Variants in CCKBR observed in about 807,000 individuals in gnomAD.
CCKBR encodes cholecystokinin B receptor.
Under a neutral mutation model 34.6 loss-of-function variants are expected in CCKBR, and 33 were observed. That is an observed-to-expected ratio of 0.95 (90% CI 0.72 to 1.27). The LOEUF is 1.27. Among genes scored for constraint, CCKBR ranks in the 50% most tolerant of loss-of-function variants. The probability of loss-of-function intolerance (pLI) is 0.00; values close to 1 mark genes in which losing one functional copy is unlikely to be tolerated. For missense variants in CCKBR, 652 were observed against 617.4 expected (o/e 1.06, Z -0.59); for synonymous variants, 269 against 267.5 (o/e 1.01, Z -0.06).
chr11:6,259,999 C>T lies in CCKBR; in HGVS notation c.71C>T (p.Pro24Leu). Residue 24 changes from proline to leucine, a missense_variant, in exon 1 of 5, where the codon CCG becomes CTG. Transcript: ENST00000334619. The stretch of plus-strand genomic sequence containing the variant: ...GGGCCGGGGGCTTCCCTGTGCCGCC[C>T]GGGGGCGCCTCTCCTCAACAGCAGC... ...GPGPGASLCRPGAPLLNSSSV... is the reference protein window; with the variant it reads ...GPGPGASLCRLGAPLLNSSSV... The T allele has an allele frequency of 6.3e-7, 1 of 1,587,148 alleles. No individual in the cohort carries two copies. The highest frequency in any genetic ancestry group is 8.6e-7 in the Non-Finnish European group (1 of 1,168,618).
At position 6,260,087 on chromosome 11, in the gene CCKBR, C is replaced by A. The variant is rs756277016; in HGVS notation, c.151+8C>A. 2 of 1,585,070 alleles carry A rather than the reference C, an allele frequency of 1.3e-6. No individual in the cohort carries two copies. Among genetic ancestry groups the A allele is most frequent in the Admixed American group, 3.5e-5 (2 of 57,932 alleles). On this transcript the variant is annotated splice_region_variant and intron_variant, in intron 1 of 4. Coordinates refer to ENST00000334619, the MANE Select transcript of CCKBR (RefSeq NM_176875.4). ...GCGGAGCCGGGACACGAGGTGGGTG[C>A]CTCCCTCAGCCCCCCCCACAAGCTA... is the stretch of plus-strand genomic sequence containing the variant.
chr11:6,265,559 G>A (rs1314255386), intron 1 of CCKBR, among the ~76,000 whole-genome samples: 2 of 152,284 alleles, frequency 1.3e-5, no homozygotes, highest in East Asian at 3.9e-4. Flanking sequence ...GGAGGCTGGG[G>A]GTGGGAGGAC....
At position 6,270,119 on chromosome 11, in the gene CCKBR, C is replaced by T. The variant is rs79740848; in HGVS notation, c.435C>T (p.Leu145=). 10 of 1,610,718 alleles carry T rather than the reference C, an allele frequency of 6.2e-6. No homozygotes were observed. The highest frequency in any genetic ancestry group is 1.1e-5 in the South Asian group (1 of 90,894). ...CTGTGAGTGTGTCCACGCTAAGCCT[C>T]GTGGCCATCGCACTGGAGCGGTACA... is the stretch of plus-strand genomic sequence containing the variant. The part of the protein sequence containing the change: ...GVSVSVSTLS[L]VAIALERYSA... The change falls in exon 3 of 5, where the codon CTC becomes CTT. Residue 145 remains leucine (L), a synonymous_variant. Coordinates refer to ENST00000334619, the MANE Select transcript of CCKBR (RefSeq NM_176875.4).
At chr11:6,262,686 AAGAGAGAGAGAGAG>A (rs57265861) in intron 1 of CCKBR, among the ~76,000 whole-genome samples, 64 of 119,294 alleles carry the variant, frequency 5.4e-4, no homozygotes, top group Middle Eastern at 4.1e-3. Flanking sequence ...TAGGCAAAGA[AAGAGAGAGAGAGAG>A]AGAGAGAGAG....
rs1473847484 is a variant in CCKBR at position 6,271,287 on chromosome 11, C to T, written c.1088C>T (p.Ala363Val). 1 of 1,614,194 alleles carries T rather than the reference C, an allele frequency of 6.2e-7. No individual in the cohort carries two copies. Among genetic ancestry groups the T allele is most frequent in the African/African-American group, 1.3e-5 (1 of 75,054 alleles). The change falls in exon 5 of 5, where the codon GCA (alanine) becomes GTA (valine). Residue 363 changes from alanine (A) to valine (V), a missense_variant. Transcript: ENST00000334619. ...TGGCGCGCCTTTGATGGCCCGGGTG[C>T]ACACCGAGCACTCTCGGGTGCTCCT... The part of the protein sequence containing the change: ...NTWRAFDGPG[A>V]HRALSGAPIS...
intron 1 of CCKBR, among the ~76,000 whole-genome samples, chr11:6,267,408 C>T (rs1328900151): frequency 6.6e-6 from 1 of 151,866 alleles, no homozygotes; most frequent in African/African-American, 2.4e-5. Context: ...ACACATTGGG[C>T]TACACAGGGT....
chr11:6,269,960 C>A, intron 2 of CCKBR, 40 bp downstream of exon 2: 1 of 1,610,916 alleles, frequency 6.2e-7, no homozygotes, highest in Non-Finnish European at 8.5e-7. Flanking sequence ...TGCCACTCTC[C>A]CCGCCTAAAG....
Position 6,269,904 on chromosome 11 carries a change from G to C in CCKBR, c.387G>C (p.Ala129=), listed in dbSNP as rs200524431. ...TFIFGTVICK[A]VSYLMGVSVS... ...TCTTTGGCACCGTCATCTGCAAGGC[G>C]GTTTCCTACCTCATGGGTGGGTGAG... Residue 129 remains alanine, a synonymous_variant, in exon 2 of 5, where the codon GCG becomes GCC. Coordinates refer to ENST00000334619, the MANE Select transcript of CCKBR (RefSeq NM_176875.4). 2.5e-6 allele frequency: 4 copies of C among 1,613,814 alleles called. No individual in the cohort carries two copies. In the African/African-American group the frequency reaches 4.0e-5, roughly 16 times the overall value.
intron 1 of CCKBR, among the ~76,000 whole-genome samples, chr11:6,262,321 T>C (rs899812180): frequency 6.6e-6 from 1 of 151,684 alleles, no homozygotes. Flanking sequence ...AGAAAATAGG[T>C]CCTAGGTCAA....
At position 6,271,014 on chromosome 11, in the gene CCKBR, C is replaced by T. The variant is rs140350741; in HGVS notation, c.815C>T (p.Ala272Val). ...RVRNQGGLPGAVHQNGRCRPE... is the reference protein window; with the variant it reads ...RVRNQGGLPGVVHQNGRCRPE... ...ACCGCCCACCCTTTGTGCTCAGGGG[C>T]TGTTCACCAGAACGGGCGTTGCCGG... Residue 272 changes from alanine (A) to valine (V), a missense_variant, in exon 5 of 5, where the codon GCT becomes GTT. Transcript: ENST00000334619. The T allele has an allele frequency of 7.4e-6, 12 of 1,614,144 alleles. 1 individual carries two copies. The highest frequency in any genetic ancestry group is 2.7e-5 in the African/African-American group (2 of 75,060).
Position 6,271,791 on chromosome 11 carries a change from G to A in CCKBR, c.*248G>A, listed in dbSNP as rs201475409. 12 of 492,882 alleles carry A rather than the reference G, an allele frequency of 2.4e-5. No homozygotes were observed. Among genetic ancestry groups the A allele is most frequent in the Non-Finnish European group, 3.6e-5 (10 of 280,080 alleles). The allele number at this position is 492,882 out of a possible 1,614,324, so 30.5% of individuals were successfully genotyped here. A position where few individuals can be genotyped will look rare whatever the true frequency, so the allele number is the denominator to read the frequency against. ...AGAAACATGACACTGACCTTGGAGA[G>A]ACACAGCGTCCCTAGCAGTGAACTA... On this transcript the variant is annotated 3_prime_UTR_variant, in exon 5 of 5. Transcript: ENST00000334619.
intron 1 of CCKBR, among the ~76,000 whole-genome samples, chr11:6,263,861 A>G (rs2941030): frequency 0.01 from 1,579 of 152,354 alleles, 29 homozygotes; most frequent in African/African-American, 0.036. Flanking sequence ...ACTTCTGCTC[A>G]GTCAGCAATT....
At position 6,271,313 on chromosome 11, in the gene CCKBR, A is replaced by G. The variant is rs1848309084; in HGVS notation, c.1114A>G (p.Ile372Val). The G allele has an allele frequency of 2.5e-6, 4 of 1,613,432 alleles. No individual in the cohort carries two copies. Among genetic ancestry groups the G allele is most frequent in the Non-Finnish European group, 3.4e-6 (4 of 1,179,652 alleles). ...GAHRALSGAP[I>V]SFIHLLSYAS... ...ACACCGAGCACTCTCGGGTGCTCCT[A>G]TCTCCTTCATTCACTTGCTGAGCTA... Residue 372 changes from isoleucine (I) to valine (V), a missense_variant, in exon 5 of 5, where the codon ATC becomes GTC. Transcript: ENST00000334619.
In CCKBR at chr11:6,261,434, C is replaced by CAAAAAA. The variant is rs71056733; in HGVS notation, c.151+1371_151+1376dup. Among the ~76,000 whole-genome samples, 26 of 14,420 alleles carry CAAAAAA rather than the reference C, an allele frequency of 1.8e-3. 2 individuals are homozygous for CAAAAAA. Among genetic ancestry groups the CAAAAAA allele is most frequent in the African/African-American group, 4.7e-3 (20 of 4,296 alleles). The allele number at this position is 14,420 out of a possible 152,430, so 9.5% of individuals were successfully genotyped here. On this transcript the variant is annotated intron_variant, in intron 1 of 4. Coordinates refer to ENST00000334619, the MANE Select transcript of CCKBR (RefSeq NM_176875.4). ...AGGCTGGCTCTAAGCTTCCTGTTGG[C>CAAAAAA]AAAAAAAAAAAAAAAAAAAAATATA...
In CCKBR at chr11:6,271,488, T is replaced by C. The variant is rs1377861254; in HGVS notation, c.1289T>C (p.Ile430Thr). 9 of 1,611,454 alleles carry C rather than the reference T, an allele frequency of 5.6e-6. No homozygotes were observed. In the Admixed American group the frequency reaches 8.3e-5, roughly 15 times the overall value. Reference protein sequence around the residue: ...LPDEDPPTPSIASLSRLSYTT... With the variant: ...LPDEDPPTPSTASLSRLSYTT... ...GATGAGGACCCTCCCACTCCCTCCA[T>C]TGCTTCGCTGTCCAGGCTTAGCTAC... Residue 430 changes from isoleucine to threonine, a missense_variant, in exon 5 of 5, where the codon ATT (isoleucine) becomes ACT (threonine). By Grantham distance (89) the Ile-to-Thr change is moderately conservative (BLOSUM62 -1). Coordinates refer to ENST00000334619, the MANE Select transcript of CCKBR (RefSeq NM_176875.4).
intron 1 of CCKBR, among the ~76,000 whole-genome samples, chr11:6,267,894 G>A (rs182311731): frequency 5.3e-4 from 80 of 152,328 alleles, no homozygotes; most frequent in Admixed American, 1.0e-3. Flanking sequence ...GTGCAGGCTG[G>A]AGTGCAGTGG....
At chr11:6,268,670 C>T (rs1390793491) in intron 1 of CCKBR, among the ~76,000 whole-genome samples, 1 of 152,132 alleles carries the variant, frequency 6.6e-6, no homozygotes, top group Non-Finnish European at 1.5e-5. Flanking sequence ...CTCTTTGTCC[C>T]CAGTGCCTAG....
Position 6,271,359 on chromosome 11 carries a change from C to T in CCKBR, c.1160C>T (p.Pro387Leu), listed in dbSNP as rs766435444. 1.2e-6 allele frequency: 2 copies of T among 1,614,208 alleles called. No individual in the cohort carries two copies. Among genetic ancestry groups the T allele is most frequent in the Admixed American group, 3.3e-5 (2 of 60,034 alleles). ...LLSYASACVN[P>L]LVYCFMHRRF... ...AGCTACGCCTCGGCCTGTGTCAACC[C>T]CCTGGTCTACTGCTTCATGCACCGT... Residue 387 changes from proline to leucine, a missense_variant, in exon 5 of 5, where the codon CCC becomes CTC. By Grantham distance (98) the Pro-to-Leu change is moderately conservative. Coordinates refer to ENST00000334619, the MANE Select transcript of CCKBR (RefSeq NM_176875.4).
chr11:6,263,482 T>A (rs888871520), intron 1 of CCKBR, among the ~76,000 whole-genome samples: 1 of 151,558 alleles, frequency 6.6e-6, no homozygotes, highest in Admixed American at 6.6e-5. Flanking sequence ...TTTTTTTTTT[T>A]TTTTTTTGAG....
Sources: gnomAD v4.1 joint callset for allele counts (sites outside exome capture counted in the v4.1 genomes callset) on GRCh38, gnomAD v4.1.1 for gene constraint, MANE v1.5 for transcripts, NCBI Gene and HGNC (gene_info 2026-07-23, HGNC 2026-07-21) for gene names.